The following SLIT3 variants were observed in gnomAD, a reference collection of about 807,000 sequenced individuals.
SLIT3 encodes slit guidance ligand 3.
SLIT3 carries 68 observed loss-of-function variants against 184.0 expected under a neutral mutation model. The ratio of observed to expected loss-of-function variants is 0.37; its 90% CI spans 0.30 to 0.45. The LOEUF is 0.45. SLIT3 is among the 20% of genes least tolerant of loss of function. The probability of loss-of-function intolerance (pLI) is 1.00; values close to 1 mark genes in which losing one functional copy is unlikely to be tolerated. For synonymous variants in SLIT3, 831 were observed against 828.6 expected (o/e 1.00, Z -0.05); for missense variants, 1,707 against 2,026.0 (o/e 0.84, Z 3.02).
At chr5:168,975,344 C>T (rs2113337956) in intron 4 of SLIT3, among the ~76,000 whole-genome samples, 1 of 152,272 alleles carries the variant, frequency 6.6e-6, no homozygotes, top group African/African-American at 2.4e-5. Context: ...TGCTGAAATC[C>T]ATCAGTGCAT....
chr5:169,051,752 G>C (rs886684931), intron 4 of SLIT3, among the ~76,000 whole-genome samples: 1 of 152,196 alleles, frequency 6.6e-6, no homozygotes, highest in African/African-American at 2.4e-5. Context: ...ATTCCAAGGA[G>C]AGCCTAAATC....
chr5:168,669,422 C>T (rs892116545), intron 35 of SLIT3, among the ~76,000 whole-genome samples: 3 of 152,206 alleles, frequency 2.0e-5, no homozygotes, highest in Non-Finnish European at 4.4e-5. Flanking sequence ...TATCCTGCTG[C>T]CTTGGGTTAG....
At chr5:169,119,142 C>T (rs35171182) in intron 4 of SLIT3, among the ~76,000 whole-genome samples, 33,313 of 152,068 alleles carry the variant, frequency 0.22, 4,183 homozygotes, top group Middle Eastern at 0.34. Context: ...AGCATCAAAG[C>T]TGATACATAT....
intron 5 of SLIT3, among the ~76,000 whole-genome samples, chr5:168,870,257 G>A (rs1026423018): frequency 3.9e-5 from 6 of 152,340 alleles, no homozygotes; most frequent in Admixed American, 2.6e-4. Flanking sequence ...AGAACTGGCT[G>A]TTGCCCCCAG....
chr5:168,978,131 C>T (rs888180976), intron 4 of SLIT3, among the ~76,000 whole-genome samples: 10 of 152,142 alleles, frequency 6.6e-5, no homozygotes, highest in Non-Finnish European at 1.5e-4. Flanking sequence ...GGTCAGGCAC[C>T]CCAGGCATCC....
At chr5:169,118,017 A>G (rs1760749302) in intron 4 of SLIT3, among the ~76,000 whole-genome samples, 1 of 152,132 alleles carries the variant, frequency 6.6e-6, no homozygotes, top group Admixed American at 6.5e-5. Context: ...CCACTTGAAT[A>G]TTTTTGAAAT....
At chr5:169,085,651 A>T (rs1759263419) in intron 4 of SLIT3, among the ~76,000 whole-genome samples, 1 of 152,236 alleles carries the variant, frequency 6.6e-6, no homozygotes, top group Non-Finnish European at 1.5e-5. Flanking sequence ...GTTTGGTGTC[A>T]ATACCCAAAC....
In SLIT3 at chr5:168,749,444, C is replaced by T. The variant is rs190832633; in HGVS notation, c.2137+28G>A. On this transcript the variant is annotated intron_variant, in intron 19 of 35. Coordinates refer to ENST00000519560, the MANE Select transcript of SLIT3 (RefSeq NM_003062.4). ...TTCCTTGCCTTCCCAGGGCCTTCCC[C>T]GCAGACCTTGACCCACAGCCTTCTT... The T allele has an allele frequency of 1.5e-4, 237 of 1,613,314 alleles. 1 individual carries two copies. The highest frequency in any genetic ancestry group is 1.2e-3 in the Middle Eastern group (7 of 6,048).
chr5:168,773,420 G>A (rs1019559419), intron 13 of SLIT3, among the ~76,000 whole-genome samples: 5 of 152,184 alleles, frequency 3.3e-5, no homozygotes, highest in African/African-American at 1.2e-4. Flanking sequence ...AGAGCACCAT[G>A]GGTCTTGCTT....
rs139709971 is a variant in SLIT3 at position 168,664,511 on chromosome 5, TCTTTCCTTCCTTC to T, written c.*1930_*1942del. 31,708 of 73,274 alleles carry T rather than the reference TCTTTCCTTCCTTC, an allele frequency of 0.43. 3,760 individuals carry two copies. The highest frequency in any genetic ancestry group is 0.52 in the Admixed American group (4,790 of 9,290). The allele number at this position is 73,274 out of a possible 1,614,324, so 4.5% of individuals were successfully genotyped here. On this transcript the variant is annotated 3_prime_UTR_variant, in exon 36 of 36. Transcript: ENST00000519560. ...CTCTTCATCCCCTCCATCCCTTCCT[TCTTTCCTTCCTTC>T]CTTCTTCCAGTTGCCTCGTTTTCCT...
chr5:168,929,271 T>A (rs1459821024), intron 4 of SLIT3, among the ~76,000 whole-genome samples: 1 of 152,170 alleles, frequency 6.6e-6, no homozygotes, highest in Non-Finnish European at 1.5e-5. Context: ...ATAATAATAT[T>A]AAGAACAGTT....
intron 32 of SLIT3, among the ~76,000 whole-genome samples, chr5:168,682,958 T>G (rs1761634560): frequency 6.6e-6 from 1 of 152,126 alleles, no homozygotes; most frequent in Non-Finnish European, 1.5e-5. Flanking sequence ...ACTAAATTTT[T>G]ATTTTAATAT....
chr5:169,173,029 AGAGGGGTGGATACCTT>A (rs1260987707), intron 4 of SLIT3, among the ~76,000 whole-genome samples: 1 of 152,210 alleles, frequency 6.6e-6, no homozygotes, highest in Non-Finnish European at 1.5e-5. Flanking sequence ...TGAAAGGCGC[AGAGGGGTGGATACCTT>A]GAGGTCGGGA....
intron 4 of SLIT3, among the ~76,000 whole-genome samples, chr5:168,900,915 A>T (rs1181963240): frequency 6.6e-6 from 1 of 152,244 alleles, no homozygotes; most frequent in Non-Finnish European, 1.5e-5. Context: ...ATGTGTACAC[A>T]TGGACATAGA....
intron 12 of SLIT3, among the ~76,000 whole-genome samples, chr5:168,775,023 G>C (rs1331849210): frequency 6.7e-6 from 1 of 149,030 alleles, no homozygotes; most frequent in Non-Finnish European, 1.5e-5. Flanking sequence ...CACTACCCTT[G>C]AGTCCCACCA....
intron 4 of SLIT3, among the ~76,000 whole-genome samples, chr5:168,889,918 T>G (rs9313427): frequency 0.41 from 61,389 of 151,220 alleles, 12,753 homozygotes; most frequent in Non-Finnish European, 0.46. Context: ...TTGAGGCGGG[T>G]GGATCACCAA....
At chr5:168,924,443 G>A (rs1045654342) in intron 4 of SLIT3, among the ~76,000 whole-genome samples, 1 of 152,030 alleles carries the variant, frequency 6.6e-6, no homozygotes, top group African/African-American at 2.4e-5. Flanking sequence ...TTACACCTCA[G>A]TTCAATGCAA....
intron 3 of SLIT3, among the ~76,000 whole-genome samples, chr5:169,229,423 T>C (rs1050784221): frequency 4.6e-5 from 7 of 152,216 alleles, no homozygotes; most frequent in Non-Finnish European, 8.8e-5. Context: ...TAGAGTACTT[T>C]AACACATACA....
intron 4 of SLIT3, among the ~76,000 whole-genome samples, chr5:169,109,291 T>C (rs1242174710): frequency 6.6e-6 from 1 of 152,190 alleles, no homozygotes; most frequent in African/African-American, 2.4e-5. Context: ...AGGCTACTGC[T>C]AGGACATGAG....
Sources: allele counts gnomAD v4.1 joint callset (sites outside exome capture counted in the v4.1 genomes callset), GRCh38; gene constraint gnomAD v4.1.1; transcripts MANE v1.5; gene names NCBI Gene and HGNC (gene_info 2026-07-23, HGNC 2026-07-21).